VAMP1: variants seen among roughly 807,000 people sequenced by gnomAD.
VAMP1 encodes vesicle associated membrane protein 1.
VAMP1 carries 16 observed loss-of-function variants against 19.1 expected under a neutral mutation model. That is an observed-to-expected ratio of 0.84 (90% CI 0.57 to 1.27). The LOEUF (loss-of-function observed/expected upper bound fraction) is 1.27. Ranked by LOEUF, VAMP1 falls within the 50% of genes most tolerant of loss-of-function variation. The probability of loss-of-function intolerance (pLI) is 0.00; values close to 1 mark genes in which losing one functional copy is unlikely to be tolerated. For synonymous variants in VAMP1, 37 were observed against 50.2 expected, an observed-to-expected ratio of 0.74 and a Z score of 1.11; for missense variants, 109 against 145.4, an observed-to-expected ratio of 0.75 and a Z score of 1.29.
chr12:6,465,390 A>ATATATATAAATGTATATATATGTG (rs1565526122), intron 3 of VAMP1: 1 of 96,900 alleles, frequency 1.0e-5, no homozygotes, highest in Non-Finnish European at 2.1e-5. Flanking sequence ...ATATATGTAT[A>ATATATATAAATGTATATATATGTG]TATATATATA....
Position 6,463,073 on chromosome 12 carries a change from T to C in VAMP1, c.*1397A>G. 1 of 1,534,764 alleles carries C rather than the reference T, an allele frequency of 6.5e-7. No homozygotes were observed. The highest frequency in any genetic ancestry group is 8.7e-7 in the Non-Finnish European group (1 of 1,144,318). On this transcript the variant is annotated 3_prime_UTR_variant, in exon 5 of 5. Coordinates refer to ENST00000396308, the MANE Select transcript of VAMP1 (RefSeq NM_014231.5). This position sits in a 1 kb window ranked among gnomAD's most constrained non-coding sequence, Gnocchi z 4.0. The stretch of plus-strand genomic sequence containing the variant: ...TGCACCTGGGCTTATCCCACATTAA[T>C]AGCCCATCCTGAAGCTCAGCAATTG...
intron 3 of VAMP1, chr12:6,465,456 G>GTATATATA (rs1565526417): frequency 1.6e-4 from 13 of 81,634 alleles, no homozygotes; most frequent in South Asian, 7.0e-4. Flanking sequence ...ATATACATAT[G>GTATATATA]TGTATATATA....
rs1397329575 is a variant in VAMP1 at position 6,464,112 on chromosome 12, T to C, written c.*358A>G. ...GTCACCATGGGCACCGATACTCTTCTCCTCCCAAGTCTGGGCAGCTTCATG... is the reference window on the plus strand; with the variant it reads ...GTCACCATGGGCACCGATACTCTTCCCCTCCCAAGTCTGGGCAGCTTCATG... On this transcript the variant is annotated 3_prime_UTR_variant, in exon 5 of 5. Transcript: ENST00000396308. 24 of 1,332,182 alleles carry C rather than the reference T, an allele frequency of 1.8e-5. No individual in the cohort carries two copies. The highest frequency in any genetic ancestry group is 2.2e-5 in the Non-Finnish European group (22 of 1,016,698). 82.5% of individuals were successfully genotyped at this position (1,332,182 alleles called of 1,614,324 possible). A position where few individuals can be genotyped will look rare whatever the true frequency, so the allele number is the denominator to read the frequency against.
At chr12:6,465,446 A>ATATATATAAATG (rs1949996366) in intron 3 of VAMP1, 13 of 140,200 alleles carry the variant, frequency 9.3e-5, no homozygotes, top group African/African-American at 3.5e-4. Context: ...ATATATGTAT[A>ATATATATAAATG]TATACATATG....
In VAMP1 at chr12:6,464,372, G is replaced by A; in HGVS notation, c.*98C>T. The A allele has an allele frequency of 6.4e-7, 1 of 1,552,226 alleles. No individual in the cohort carries two copies. The highest frequency in any genetic ancestry group is 8.7e-7 in the Non-Finnish European group (1 of 1,147,268). Reference sequence around the variant, plus strand: ...GTGATGGAGAAGCCTGGGCTGGAATGGAGGACGGTGGGTGGGGAAGTGTGT... The same window carrying A: ...GTGATGGAGAAGCCTGGGCTGGAATAGAGGACGGTGGGTGGGGAAGTGTGT... On this transcript the variant is annotated 3_prime_UTR_variant, in exon 5 of 5. Coordinates refer to ENST00000396308, the MANE Select transcript of VAMP1 (RefSeq NM_014231.5).
intron 3 of VAMP1, among the ~76,000 whole-genome samples, chr12:6,465,541 T>G (rs1016564844): frequency 9.9e-5 from 15 of 150,880 alleles, no homozygotes; most frequent in African/African-American, 3.7e-4. Context: ...TGTCTGAGGA[T>G]GAGACAGGTG....
chr12:6,463,190 T>G lies in VAMP1; in HGVS notation c.*1280A>C. The stretch of plus-strand genomic sequence containing the variant: ...GAGGAGGAAGAGAAAGGAGGCAAAG[T>G]AGAATTCAGACAGGAAAGGGTGGTT... On this transcript the variant is annotated 3_prime_UTR_variant, in exon 5 of 5. Transcript: ENST00000396308. This position sits in a 1 kb window ranked among gnomAD's most constrained non-coding sequence, Gnocchi z 4.0. 1 of 1,437,634 alleles carries G rather than the reference T, an allele frequency of 7.0e-7. No individual in the cohort carries two copies. The highest frequency in any genetic ancestry group is 9.1e-7 in the Non-Finnish European group (1 of 1,100,662). 89.1% of individuals were successfully genotyped at this position (1,437,634 alleles called of 1,614,324 possible).
At chr12:6,465,416 A>ATATATATATAAATGTATATATATATG (rs1565526280) in intron 3 of VAMP1, 1 of 93,504 alleles carries the variant, frequency 1.1e-5, no homozygotes, top group Non-Finnish European at 1.9e-5. Flanking sequence ...ATATATATGT[A>ATATATATATAAATGTATATATATATG]TATATATATA....
Position 6,462,239 on chromosome 12 carries a change from T to A in VAMP1, c.*2231A>T. The A allele has an allele frequency of 8.8e-7, 1 of 1,133,190 alleles. No individual in the cohort carries two copies. The highest frequency in any genetic ancestry group is 1.3e-6 in the Non-Finnish European group (1 of 799,508). 70.2% of individuals were successfully genotyped at this position (1,133,190 alleles called of 1,614,324 possible). On this transcript the variant is annotated 3_prime_UTR_variant, in exon 5 of 5. Coordinates refer to ENST00000396308, the MANE Select transcript of VAMP1 (RefSeq NM_014231.5). ...AACCCAAACAACAACCAAGCCAGTT[T>A]AATGGTAGGAATTTGTATTTTTTGC...
chr12:6,470,430 T>C, intron 1 of VAMP1, 100 bp downstream of exon 1: 1 of 1,566,202 alleles, frequency 6.4e-7, no homozygotes, highest in Non-Finnish European at 8.7e-7. Context: ...CCCGCGTTGC[T>C]GCAGCTGCTG....
Position 6,462,420 on chromosome 12 carries a change from G to A in VAMP1, c.*2050C>T. Reference sequence around the variant, plus strand: ...CAGTGGAAACCCCACATCGTCTCATGGCAAACCGAAGAACGGGATGTGGGA... The same window carrying A: ...CAGTGGAAACCCCACATCGTCTCATAGCAAACCGAAGAACGGGATGTGGGA... On this transcript the variant is annotated 3_prime_UTR_variant, in exon 5 of 5. Transcript: ENST00000396308. The A allele has an allele frequency of 4.0e-6, 2 of 496,124 alleles. No homozygotes were observed. The highest frequency in any genetic ancestry group is 7.2e-6 in the Non-Finnish European group (2 of 279,046). The allele number at this position is 496,124 out of a possible 1,614,324, so 30.7% of individuals were successfully genotyped here.
At chr12:6,467,861 G>A (rs1307994809) in intron 1 of VAMP1, among the ~76,000 whole-genome samples, 1 of 152,270 alleles carries the variant, frequency 6.6e-6, no homozygotes, top group South Asian at 2.1e-4. Context: ...CGTGGCTTCA[G>A]AGGGTGGAAG....
rs1949893184 is a variant in VAMP1, at chr12:6,462,323, CTGT to C, written c.*2144_*2146del. The C allele has an allele frequency of 1.7e-6, 1 of 588,474 alleles. No individual in the cohort carries two copies. The highest frequency in any genetic ancestry group is 2.8e-5 in the East Asian group (1 of 35,402). The allele number at this position is 588,474 out of a possible 1,614,324, so 36.5% of individuals were successfully genotyped here. A position where few individuals can be genotyped will look rare whatever the true frequency, so the allele number is the denominator to read the frequency against. ...CCACATGCCTTTGGTGGAAGTACAA[CTGT>C]TGTTATTACTCTATACAAGTATGAG... On this transcript the variant is annotated 3_prime_UTR_variant, in exon 5 of 5. Coordinates refer to ENST00000396308, the MANE Select transcript of VAMP1 (RefSeq NM_014231.5).
chr12:6,466,031 G>T (rs1012709891), intron 2 of VAMP1, 31 bp from the exon 3 acceptor site: 2 of 1,613,502 alleles, frequency 1.2e-6, no homozygotes, highest in Non-Finnish European at 1.7e-6. Flanking sequence ...AAGCAGCTAA[G>T]CTTCCTGCCA....
chr12:6,466,259 C>A lies in VAMP1; in HGVS notation c.95G>T (p.Arg32Ile). The A allele has an allele frequency of 6.2e-7, 1 of 1,614,208 alleles. No individual in the cohort carries two copies. The highest frequency in any genetic ancestry group is 8.5e-7 in the Non-Finnish European group (1 of 1,180,038). ...TTGTGCCTGGGTTTGCTGTAGTCGTCTGTTACTGGTCATGTTAGGAGGAGG... is the reference window on the plus strand; with the variant it reads ...TTGTGCCTGGGTTTGCTGTAGTCGTATGTTACTGGTCATGTTAGGAGGAGG... ...PGPPPNMTSN[R>I]RLQQTQAQVE... The change falls in exon 2 of 5, where the codon AGA becomes ATA. Residue 32 changes from arginine (R) to isoleucine (I), a missense_variant. Transcript: ENST00000396308.
rs1949948352 is a variant in VAMP1, at chr12:6,464,254, G to C, written c.*216C>G. On this transcript the variant is annotated 3_prime_UTR_variant, in exon 5 of 5. Coordinates refer to ENST00000396308, the MANE Select transcript of VAMP1 (RefSeq NM_014231.5). ...AGGCAGGGAGGAGGCGCCAGCTGTT[G>C]CTCTTCGGGTAATGACTTAGATTGT... 1 of 1,521,182 alleles carries C rather than the reference G, an allele frequency of 6.6e-7. No individual in the cohort carries two copies. The highest frequency in any genetic ancestry group is 1.4e-5 in the African/African-American group (1 of 72,404). The allele number at this position is 1,521,182 out of a possible 1,614,324, so 94.2% of individuals were successfully genotyped here. A position where few individuals can be genotyped will look rare whatever the true frequency, so the allele number is the denominator to read the frequency against.
At chr12:6,465,417 T>C (rs1200909359) in intron 3 of VAMP1, 10 of 72,680 alleles carry the variant, frequency 1.4e-4, no homozygotes, top group African/African-American at 4.0e-4. Context: ...TATATATGTA[T>C]ATATATATAT....
At chr12:6,470,497 AGGT>A in intron 1 of VAMP1, 30 bp downstream of exon 1, 1 of 1,613,826 alleles carries the variant, frequency 6.2e-7, no homozygotes, top group Non-Finnish European at 8.5e-7. Flanking sequence ...GTTGTCAAGG[AGGT>A]GCCGAGCCCC....
At position 6,462,865 on chromosome 12, in the gene VAMP1, T is replaced by C. The variant is rs374739112; in HGVS notation, c.*1605A>G. The C allele has an allele frequency of 4.7e-4, 759 of 1,604,736 alleles. No individual in the cohort carries two copies. Among genetic ancestry groups the C allele is most frequent in the Non-Finnish European group, 5.3e-4 (628 of 1,175,582 alleles). On this transcript the variant is annotated 3_prime_UTR_variant, in exon 5 of 5. Transcript: ENST00000396308. Reference sequence around the variant, plus strand: ...GCCCTTGGGCAGGACGAAGGGAATGTGGGAAACAAGGGCGAAAGGAAAGGA... The same window carrying C: ...GCCCTTGGGCAGGACGAAGGGAATGCGGGAAACAAGGGCGAAAGGAAAGGA...
Sources: gnomAD v4.1 joint callset for allele counts (sites outside exome capture counted in the v4.1 genomes callset) on GRCh38, gnomAD v4.1.1 for gene constraint, Gnocchi (gnomAD v3.1) non-coding constraint, MANE v1.5 for transcripts, NCBI Gene and HGNC (gene_info 2026-07-23, HGNC 2026-07-21) for gene names.